Variants in PLEKHM1 observed in about 807,000 individuals in gnomAD.
The protein encoded by PLEKHM1 is pleckstrin homology and RUN domain containing M1.
A neutral mutation model predicts 94.3 loss-of-function variants in PLEKHM1; 28 were observed. The ratio of observed to expected loss-of-function variants is 0.30; its 90% CI spans 0.22 to 0.41. The LOEUF (loss-of-function observed/expected upper bound fraction) is 0.41, where lower values mean the gene tolerates loss of function less well. PLEKHM1 is among the 10% of genes least tolerant of loss of function. The pLI is 1.00. For synonymous variants in PLEKHM1, 424 were observed against 581.2 expected (o/e 0.73, Z 3.89); for missense variants, 907 against 1,358.6 (o/e 0.67, Z 5.22).
Position 45,475,220 on chromosome 17 carries a change from G to A in PLEKHM1, c.803C>T (p.Ser268Phe), listed in dbSNP as rs769056038. The change falls in exon 4 of 12, where the codon TCT becomes TTT. Residue 268 changes from serine (S) to phenylalanine (F), a missense_variant. Around this residue, in one of 3 missense-constraint regions of PLEKHM1, gnomAD observed 477 missense variants for 601.5 expected, o/e 0.79. Coordinates refer to ENST00000430334, the MANE Select transcript of PLEKHM1 (RefSeq NM_014798.3). The stretch of plus-strand genomic sequence containing the variant: ...ATTCTCTTGGAGTAAGCAGCTATCA[G>A]AGTTTAGGCTGCAGGACAGCTGGGA... ...SSSQLSCSLN[S>F]DSCLLQENGS... The A allele has an allele frequency of 1.9e-6, 3 of 1,613,904 alleles. No homozygotes were observed. The highest frequency in any genetic ancestry group is 2.5e-6 in the Non-Finnish European group (3 of 1,179,874).
chr17:45,434,943 T>C (rs1202515561), downstream of PLEKHM1, among the ~76,000 whole-genome samples: 4 of 117,262 alleles, frequency 3.4e-5, no homozygotes, highest in Admixed American at 4.4e-4. Flanking sequence ...CACTCCAGCC[T>C]GGGCATTGGA....
At chr17:45,435,121 T>G (rs1315520706), downstream of PLEKHM1, among the ~76,000 whole-genome samples, 1 of 152,062 alleles carries the variant, frequency 6.6e-6, no homozygotes, top group Non-Finnish European at 1.5e-5. Flanking sequence ...CAGTTTCTCT[T>G]CTCTTCTCCG....
chr17:45,435,734 C>G (rs2050237189), downstream of PLEKHM1, among the ~76,000 whole-genome samples: 1 of 152,200 alleles, frequency 6.6e-6, no homozygotes, highest in Non-Finnish European at 1.5e-5. Context: ...TCCCTGCCCA[C>G]TCCTGGCATG....
At chr17:45,476,921 G>A (rs1330116895) in intron 3 of PLEKHM1, among the ~76,000 whole-genome samples, 1 of 152,174 alleles carries the variant, frequency 6.6e-6, no homozygotes, top group African/African-American at 2.4e-5. Context: ...TGGACTCAAG[G>A]AAAGACAGAG....
intron 1 of PLEKHM1, among the ~76,000 whole-genome samples, chr17:45,487,194 G>A (rs1428867846): frequency 2.0e-5 from 3 of 152,164 alleles, no homozygotes; most frequent in South Asian, 2.1e-4. Context: ...GTATTCATTC[G>A]CCTTCACATA....
At chr17:45,441,994 G>C (rs1029088454) in intron 9 of PLEKHM1, among the ~76,000 whole-genome samples, 2 of 152,158 alleles carry the variant, frequency 1.3e-5, no homozygotes, top group African/African-American at 4.8e-5. Context: ...CATGGGTGGG[G>C]GGCCTGGGTG....
intron 8 of PLEKHM1, among the ~76,000 whole-genome samples, chr17:45,449,817 G>T (rs1481182327): frequency 2.5e-3 from 155 of 61,280 alleles, no homozygotes; most frequent in African/African-American, 3.5e-3. Flanking sequence ...CACCTGCTCA[G>T]CCACCTACCT....
chr17:45,435,428 G>A, downstream of PLEKHM1, among the ~76,000 whole-genome samples: 1 of 152,168 alleles, frequency 6.6e-6, no homozygotes, highest in Non-Finnish European at 1.5e-5. Flanking sequence ...AAGTCATTTT[G>A]AGCCCTAAAA....
At chr17:45,461,713 G>C (rs909045078) in intron 5 of PLEKHM1, among the ~76,000 whole-genome samples, 1 of 152,122 alleles carries the variant, frequency 6.6e-6, no homozygotes, top group African/African-American at 2.4e-5. Context: ...TGTCTCTGCC[G>C]CCCACTTCTG....
At chr17:45,486,869 C>T (rs935536428) in intron 1 of PLEKHM1, among the ~76,000 whole-genome samples, 1 of 152,134 alleles carries the variant, frequency 6.6e-6, no homozygotes, top group African/African-American at 2.4e-5. Flanking sequence ...GAACTCACGG[C>T]GGGAATCAGA....
In PLEKHM1 at chr17:45,486,235, TA is replaced by T. The variant is rs199879545; in HGVS notation, c.-41-3711del. Among the ~76,000 whole-genome samples, 31 of 136,886 alleles carry T rather than the reference TA, an allele frequency of 2.3e-4. 2 individuals are homozygous for T. Among genetic ancestry groups the T allele is most frequent in the African/African-American group, 8.0e-4 (29 of 36,088 alleles). The allele number at this position is 136,886 out of a possible 152,430, so 89.8% of individuals were successfully genotyped here. ...CCGTCTCAAAAAAAAAAAGATAAAA[TA>T]AAAAAATAATAATAATAATAATAAT... On this transcript the variant is annotated intron_variant, in intron 1 of 11. Coordinates refer to ENST00000430334, the MANE Select transcript of PLEKHM1 (RefSeq NM_014798.3).
intron 5 of PLEKHM1, among the ~76,000 whole-genome samples, chr17:45,462,498 C>A (rs1370989754): frequency 6.6e-6 from 1 of 151,976 alleles, no homozygotes; most frequent in African/African-American, 2.4e-5. Context: ...GCTCAGGAGA[C>A]ATCCATCGCC....
chr17:45,458,313 T>G lies in PLEKHM1; in HGVS notation c.1435A>C (p.Arg479=). ...GTPGSRPGLH[R]HFSQEPRKNC... is the part of the protein sequence containing the mutation. ...TTTCTTGGTTCTTGAGAAAAATGCC[T>G]GTGGAGACCAGGCCTTGACCCTGGA... Residue 479 remains arginine, a synonymous_variant, in exon 6 of 12, where the codon AGG becomes CGG. Transcript: ENST00000430334. 1 of 1,613,732 alleles carries G rather than the reference T, an allele frequency of 6.2e-7. No homozygotes were observed. Among genetic ancestry groups the G allele is most frequent in the Non-Finnish European group, 8.5e-7 (1 of 1,179,752 alleles).
chr17:45,474,035 C>T, intron 4 of PLEKHM1, among the ~76,000 whole-genome samples: 1 of 150,838 alleles, frequency 6.6e-6, no homozygotes, highest in East Asian at 1.9e-4. Context: ...ATTATCTATG[C>T]AAATTTTTTA....
intron 5 of PLEKHM1, 77 bp downstream of exon 5, chr17:45,468,132 C>G: frequency 6.3e-7 from 1 of 1,590,740 alleles, no homozygotes; most frequent in South Asian, 1.1e-5. Flanking sequence ...AGAGACCACT[C>G]AGGGTCACTA....
At chr17:45,461,532 G>A (rs1432685164) in intron 5 of PLEKHM1, among the ~76,000 whole-genome samples, 2 of 152,178 alleles carry the variant, frequency 1.3e-5, no homozygotes, top group Non-Finnish European at 2.9e-5. Flanking sequence ...CTTACATTTA[G>A]GTTTCTGGTC....
rs369058702 is a variant in PLEKHM1, at chr17:45,445,683, T to C, written c.2644-20A>G. 63 of 1,611,254 alleles carry C rather than the reference T, an allele frequency of 3.9e-5. No homozygotes were observed. The highest frequency in any genetic ancestry group is 4.8e-5 in the Non-Finnish European group (57 of 1,177,998). On this transcript the variant is annotated intron_variant, in intron 8 of 11. Transcript: ENST00000430334. This position sits in a 1 kb window ranked among gnomAD's most constrained non-coding sequence, Gnocchi z 4.2. ...GCAGATCTGGGGGTACCACCAGGCA[T>C]TGGGGATGGGAAGGAATGGCTGTTC...
At chr17:45,454,434 G>A in intron 6 of PLEKHM1, 162 bp from the exon 7 acceptor site, 1 of 689,386 alleles carries the variant, frequency 1.5e-6, no homozygotes, top group Non-Finnish European at 2.6e-6. Flanking sequence ...CTGAAAGCTG[G>A]ATGGGAACAT....
intron 1 of PLEKHM1, chr17:45,487,965 T>C: frequency 5.6e-6 from 2 of 358,010 alleles, no homozygotes; most frequent in Non-Finnish European, 5.6e-6. Flanking sequence ...TATCCTCTGA[T>C]TCAGAAAGGC....
Sources: gnomAD v4.1 joint callset for allele counts (sites outside exome capture counted in the v4.1 genomes callset) on GRCh38, gnomAD v4.1.1 for gene constraint, gnomAD v4.1.1 regional missense constraint, Gnocchi (gnomAD v3.1) non-coding constraint, MANE v1.5 for transcripts, NCBI Gene and HGNC (gene_info 2026-07-23, HGNC 2026-07-21) for gene names.